The following TFDP2 variants were observed in gnomAD, a reference collection of about 807,000 sequenced individuals.
TFDP2 encodes the protein transcription factor Dp-2 (E2F dimerization partner 2).
A neutral mutation model predicts 59.3 loss-of-function variants in TFDP2; 17 were observed. The observed-to-expected ratio is 0.29, with a 90% CI of 0.20 to 0.43. TFDP2 has a LOEUF of 0.43. Among genes scored for constraint, TFDP2 ranks in the 20% least tolerant of loss-of-function variants. The pLI is 1.00. For synonymous variants in TFDP2, 180 were observed against 194.7 expected (o/e 0.92, Z 0.63); for missense variants, 391 against 528.8 (o/e 0.74, Z 2.56).
chr3:142,110,883 G>GTAGA, intron 1 of TFDP2, among the ~76,000 whole-genome samples: 1 of 151,976 alleles, frequency 6.6e-6, no homozygotes, highest in Middle Eastern at 3.4e-3. Context: ...AGCCCAGGAG[G>GTAGA]TAGAGGCTGC....
rs568146854 is a variant in TFDP2 at position 141,966,181 on chromosome 3, T to C, written c.733-2218A>G. Among the ~76,000 whole-genome samples the C allele has an allele frequency of 1.6e-4, 24 of 152,048 alleles. No homozygotes were observed. The South Asian group carries it at 4.8e-3, about 30-fold the overall frequency. ...ATGTTTTTATTATTATTATTTATTA[T>C]TATTTTTTTGAGACGGAGTCTCACT... is the stretch of plus-strand genomic sequence containing the variant. On this transcript the variant is annotated intron_variant, in intron 9 of 12. Coordinates refer to ENST00000489671, the MANE Select transcript of TFDP2 (RefSeq NM_001178139.2).
chr3:141,947,311 T>G lies in TFDP2; in HGVS notation c.*5202A>C, dbSNP rs188578982. 2 of 152,244 alleles carry G rather than the reference T, an allele frequency of 1.3e-5. No homozygotes were observed. Among genetic ancestry groups the G allele is most frequent in the Admixed American group, 6.5e-5 (1 of 15,280 alleles). The allele number at this position is 152,244 out of a possible 1,614,324, so 9.4% of individuals were successfully genotyped here. Reference sequence around the variant, plus strand: ...GGTTCTTAGAAGTCCAGTCATCAGCTTCACCAAAGCCAGCCCATATGCAGA... The same window carrying G: ...GGTTCTTAGAAGTCCAGTCATCAGCGTCACCAAAGCCAGCCCATATGCAGA... On this transcript the variant is annotated 3_prime_UTR_variant, in exon 13 of 13. Coordinates refer to ENST00000489671, the MANE Select transcript of TFDP2 (RefSeq NM_001178139.2).
chr3:142,111,427 CAAA>C (rs80110477), intron 1 of TFDP2, among the ~76,000 whole-genome samples: 1 of 60,180 alleles, frequency 1.7e-5, no homozygotes. Context: ...GACTCTGTCT[CAAA>C]AAAAAAAAAA....
chr3:141,960,052 C>T (rs1296092700), intron 10 of TFDP2, among the ~76,000 whole-genome samples: 1 of 152,170 alleles, frequency 6.6e-6, no homozygotes, highest in African/African-American at 2.4e-5. Flanking sequence ...ATTCCTCTGA[C>T]AGATGATAGA....
rs539704615 is a variant in TFDP2, at chr3:142,144,856, C to T, written c.-93+4327G>A. On this transcript the variant is annotated intron_variant, in intron 1 of 12. Transcript: ENST00000489671. Reference sequence around the variant, plus strand: ...CACCTCCCAGAAACGACTTTTAAAACATACATGCATTTTTAAAACAAAGAT... The same window carrying T: ...CACCTCCCAGAAACGACTTTTAAAATATACATGCATTTTTAAAACAAAGAT... Among the ~76,000 whole-genome samples the T allele has an allele frequency of 1.2e-4, 18 of 152,234 alleles. No homozygotes were observed. The East Asian group carries it at 3.5e-3, about 29-fold the overall frequency.
chr3:142,137,425 A>G (rs2062775833), intron 1 of TFDP2, among the ~76,000 whole-genome samples: 1 of 152,202 alleles, frequency 6.6e-6, no homozygotes. Context: ...TATGTTGAAT[A>G]GAAGTGGTGA....
chr3:142,105,470 G>C (rs925279586), intron 1 of TFDP2, among the ~76,000 whole-genome samples: 4 of 152,068 alleles, frequency 2.6e-5, no homozygotes, highest in African/African-American at 9.7e-5. Context: ...CCCACCCTTT[G>C]TGTTTTTTTG....
intron 1 of TFDP2, among the ~76,000 whole-genome samples, chr3:142,130,548 GT>G (rs1324084176): frequency 1.3e-5 from 2 of 150,670 alleles, no homozygotes; most frequent in Non-Finnish European, 3.0e-5. Flanking sequence ...GTGCAGGTTT[GT>G]TACATATGTA....
chr3:142,030,020 C>T (rs765552762), intron 3 of TFDP2, among the ~76,000 whole-genome samples: 1 of 152,182 alleles, frequency 6.6e-6, no homozygotes, highest in Non-Finnish European at 1.5e-5. Flanking sequence ...CTCCAGGAGA[C>T]GCTGTAAAGT....
chr3:142,097,225 C>G (rs1576974928), intron 2 of TFDP2, among the ~76,000 whole-genome samples: 1 of 152,080 alleles, frequency 6.6e-6, no homozygotes, highest in Non-Finnish European at 1.5e-5. Context: ...GAATCAAAAG[C>G]TCTAAAAAAT....
At chr3:142,028,474 G>A (rs1010117726) in intron 3 of TFDP2, 6 of 770,302 alleles carry the variant, frequency 7.8e-6, no homozygotes, top group African/African-American at 2.1e-5. Flanking sequence ...TGAAATCAGC[G>A]TGCTCCTGGC....
chr3:142,095,301 T>C (rs1358147886), intron 2 of TFDP2, among the ~76,000 whole-genome samples: 1 of 152,240 alleles, frequency 6.6e-6, no homozygotes, highest in Non-Finnish European at 1.5e-5. Flanking sequence ...TATTTATATT[T>C]TTCATAAGCA....
chr3:142,045,771 C>T (rs1028967998), intron 3 of TFDP2, among the ~76,000 whole-genome samples: 2 of 151,690 alleles, frequency 1.3e-5, no homozygotes, highest in Non-Finnish European at 2.9e-5. Context: ...TGCCACCATG[C>T]CTGGCTAATT....
chr3:142,081,321 G>A lies in TFDP2; in HGVS notation c.82+11740C>T, dbSNP rs74461789. On this transcript the variant is annotated intron_variant, in intron 3 of 12. Coordinates refer to ENST00000489671, the MANE Select transcript of TFDP2 (RefSeq NM_001178139.2). Reference sequence around the variant, plus strand: ...AAACACAACACACCAAAACCTATGGGATATAGTGAAAGAAGCACTAAGAGG... The same window carrying A: ...AAACACAACACACCAAAACCTATGGAATATAGTGAAAGAAGCACTAAGAGG... Among the ~76,000 whole-genome samples the A allele has an allele frequency of 3.8e-3, 578 of 152,166 alleles. 3 individuals carry two copies. Among genetic ancestry groups the A allele is most frequent in the African/African-American group, 0.013 (546 of 41,518 alleles).
chr3:142,087,219 A>G (rs1224241633), intron 3 of TFDP2, among the ~76,000 whole-genome samples: 2 of 152,184 alleles, frequency 1.3e-5, no homozygotes, highest in Non-Finnish European at 2.9e-5. Flanking sequence ...GGCAATGGGG[A>G]TAAGTTCTGA....
At chr3:142,101,591 T>C (rs2061321134) in intron 2 of TFDP2, 144 bp downstream of exon 2, 3 of 521,552 alleles carry the variant, frequency 5.8e-6, no homozygotes, top group Non-Finnish European at 9.6e-6. Context: ...GCTTATCTCA[T>C]ATTCTGCATA....
intron 7 of TFDP2, 99 bp downstream of exon 7, chr3:141,978,421 C>T (rs573222999): frequency 1.7e-6 from 2 of 1,188,482 alleles, no homozygotes; most frequent in East Asian, 2.7e-5. Flanking sequence ...AAGGATAAAA[C>T]CCTCAAGTAT....
chr3:142,138,780 T>C (rs147204905), intron 1 of TFDP2, among the ~76,000 whole-genome samples: 12,653 of 152,276 alleles, frequency 0.083, 654 homozygotes, highest in Middle Eastern at 0.14. Context: ...AGGAGTGCTT[T>C]ACTTCCAATT....
chr3:142,144,564 T>C (rs1230880647), intron 1 of TFDP2, among the ~76,000 whole-genome samples: 3 of 152,266 alleles, frequency 2.0e-5, no homozygotes, highest in Admixed American at 2.0e-4. Context: ...TATTTAGAGA[T>C]AGGGTCTCAC....
Sources: gnomAD v4.1 joint callset for allele counts (sites outside exome capture counted in the v4.1 genomes callset) on GRCh38, gnomAD v4.1.1 for gene constraint, MANE v1.5 for transcripts, NCBI Gene and HGNC (gene_info 2026-07-23, HGNC 2026-07-21) for gene names.